Variants in PPP1R12A observed in about 807,000 individuals in gnomAD.
PPP1R12A encodes the protein protein phosphatase 1 regulatory subunit 12A.
In PPP1R12A, 19 loss-of-function variants were observed where a neutral mutation model predicts 139.6. The observed-to-expected ratio is 0.14, with a 90% CI of 0.09 to 0.20. The LOEUF is 0.20. Ranked by LOEUF, PPP1R12A falls within the 10% of genes least tolerant of loss-of-function variation. The probability of loss-of-function intolerance (pLI) is 1.00; values close to 1 mark genes in which losing one functional copy is unlikely to be tolerated. For synonymous variants in PPP1R12A, 427 were observed against 420.6 expected, an observed-to-expected ratio of 1.02 and a Z score of -0.19; for missense variants, 925 against 1,211.5, an observed-to-expected ratio of 0.76 and a Z score of 3.51.
chr12:79,863,930 C>T (rs868633634), intron 2 of PPP1R12A, among the ~76,000 whole-genome samples: 3 of 152,050 alleles, frequency 2.0e-5, no homozygotes, highest in South Asian at 2.1e-4. Flanking sequence ...AATGGATCAA[C>T]GAGACAGAAA....
At chr12:79,861,705 C>G (rs1175747323) in intron 2 of PPP1R12A, among the ~76,000 whole-genome samples, 1 of 152,168 alleles carries the variant, frequency 6.6e-6, no homozygotes, top group Non-Finnish European at 1.5e-5. Context: ...TCACTGCTAG[C>G]ACAGCAGTCT....
At chr12:79,861,573 G>A (rs1881320663) in intron 2 of PPP1R12A, among the ~76,000 whole-genome samples, 1 of 152,166 alleles carries the variant, frequency 6.6e-6, no homozygotes, top group African/African-American at 2.4e-5. Context: ...GAAGCCGTGA[G>A]TGACCGTACC....
At chr12:79,850,165 T>G (rs921383157) in intron 2 of PPP1R12A, among the ~76,000 whole-genome samples, 1 of 152,210 alleles carries the variant, frequency 6.6e-6, no homozygotes, top group African/African-American at 2.4e-5. Flanking sequence ...ACAGATTTAA[T>G]TGAGATTTAT....
At chr12:79,871,859 A>G (rs1308713249) in intron 2 of PPP1R12A, among the ~76,000 whole-genome samples, 1 of 152,220 alleles carries the variant, frequency 6.6e-6, no homozygotes, top group East Asian at 1.9e-4. Flanking sequence ...GCAACGGGAA[A>G]AAGACTTCCT....
intron 1 of PPP1R12A, among the ~76,000 whole-genome samples, chr12:79,874,182 G>A (rs1882870031): frequency 6.6e-6 from 1 of 151,678 alleles, no homozygotes; most frequent in South Asian, 2.1e-4. Context: ...GCTGAGGCAG[G>A]AGAATTGCCT....
At chr12:79,846,774 C>T (rs984603951) in intron 2 of PPP1R12A, among the ~76,000 whole-genome samples, 3 of 151,974 alleles carry the variant, frequency 2.0e-5, no homozygotes, top group African/African-American at 7.3e-5. Flanking sequence ...ATGGCTCTAC[C>T]ATGCTAGGAG....
chr12:79,871,610 G>T (rs1882576266), intron 2 of PPP1R12A, among the ~76,000 whole-genome samples: 1 of 152,114 alleles, frequency 6.6e-6, no homozygotes, highest in African/African-American at 2.4e-5. Flanking sequence ...CCTTGATAGT[G>T]ACTGAGGAGG....
At chr12:79,866,483 C>A (rs1349271281) in intron 2 of PPP1R12A, among the ~76,000 whole-genome samples, 6 of 152,096 alleles carry the variant, frequency 3.9e-5, no homozygotes, top group Admixed American at 6.6e-5. Context: ...GGATCTAATT[C>A]AACTAAAGAT....
At chr12:79,778,975 G>A (rs555906348) in intron 23 of PPP1R12A, 1 of 234,270 alleles carries the variant, frequency 4.3e-6, no homozygotes, top group Non-Finnish European at 8.7e-6. Context: ...AAGCAGAAAA[G>A]CAAGAAGCAA....
chr12:79,807,086 G>GT (rs1873929909), intron 12 of PPP1R12A, 140 bp downstream of exon 12: 1 of 533,846 alleles, frequency 1.9e-6, no homozygotes, highest in Non-Finnish European at 3.2e-6. Context: ...TGTGTTTAGA[G>GT]TAAGTTTTAA....
chr12:79,811,313 T>C (rs1009598954), intron 9 of PPP1R12A, among the ~76,000 whole-genome samples: 1 of 152,172 alleles, frequency 6.6e-6, no homozygotes, highest in Non-Finnish European at 1.5e-5. Flanking sequence ...CTATCAATAG[T>C]GTCTAAGCAT....
At position 79,797,372 on chromosome 12, in the gene PPP1R12A, T is replaced by C. The variant is rs1320375856; in HGVS notation, c.2115A>G (p.Gln705=). 4 of 1,602,460 alleles carry C rather than the reference T, an allele frequency of 2.5e-6. No homozygotes were observed. Among genetic ancestry groups the C allele is most frequent in the African/African-American group, 1.3e-5 (1 of 74,740 alleles). ...STQGVTLTDL[Q]EAEKTIGRSR... ...TTCTTCCTATTGTTTTCTCAGCTTC[T>C]TGAAGATCAGTTAATGTCACTCCCT... is the stretch of plus-strand genomic sequence containing the variant. Residue 705 remains glutamine (Q), a synonymous_variant, in exon 16 of 25, where the codon CAA becomes CAG. Coordinates refer to ENST00000450142, the MANE Select transcript of PPP1R12A (RefSeq NM_002480.3).
At chr12:79,786,003 A>C (rs1019809808) in intron 22 of PPP1R12A, among the ~76,000 whole-genome samples, 1 of 152,236 alleles carries the variant, frequency 6.6e-6, no homozygotes, top group African/African-American at 2.4e-5. Context: ...AATAACCTTT[A>C]CTTGAACAAA....
At chr12:79,808,044 T>A (rs967738635) in intron 11 of PPP1R12A, among the ~76,000 whole-genome samples, 9 of 149,826 alleles carry the variant, frequency 6.0e-5, no homozygotes, top group Non-Finnish European at 1.5e-5. Flanking sequence ...TCAAAAAAAA[T>A]AAAAATAAAA....
intron 1 of PPP1R12A, among the ~76,000 whole-genome samples, chr12:79,922,693 G>A (rs1251164126): frequency 1.3e-5 from 2 of 152,122 alleles, no homozygotes; most frequent in Admixed American, 1.3e-4. Context: ...CGGGGGCTCA[G>A]GGGCAAGGGT....
chr12:79,918,744 T>C (rs1163538474), intron 1 of PPP1R12A, among the ~76,000 whole-genome samples: 1 of 152,196 alleles, frequency 6.6e-6, no homozygotes, highest in Non-Finnish European at 1.5e-5. Context: ...TCCTCTCTTT[T>C]CAGTGCCTTG....
chr12:79,902,338 C>T (rs1035426299), intron 1 of PPP1R12A, among the ~76,000 whole-genome samples: 8 of 152,006 alleles, frequency 5.3e-5, no homozygotes, highest in African/African-American at 1.4e-4. Flanking sequence ...ATTAGTACTG[C>T]GTTTTATATA....
At chr12:79,843,272 T>G (rs1878968588) in intron 3 of PPP1R12A, among the ~76,000 whole-genome samples, 1 of 152,114 alleles carries the variant, frequency 6.6e-6, no homozygotes, top group Non-Finnish European at 1.5e-5. Flanking sequence ...AAGAGTTGAG[T>G]TGTTTTAAAT....
At chr12:79,845,591 C>G (rs1011625938) in intron 2 of PPP1R12A, among the ~76,000 whole-genome samples, 171 bp from the exon 3 acceptor site, 1 of 152,168 alleles carries the variant, frequency 6.6e-6, no homozygotes, top group Non-Finnish European at 1.5e-5. Context: ...CGCCTGTAAT[C>G]CCAGCACTTT....
Sources: gnomAD v4.1 joint callset for allele counts (sites outside exome capture counted in the v4.1 genomes callset) on GRCh38, gnomAD v4.1.1 for gene constraint, MANE v1.5 for transcripts, NCBI Gene and HGNC (gene_info 2026-07-23, HGNC 2026-07-21) for gene names.